TM7SF3: variants seen among roughly 807,000 people sequenced by gnomAD.
TM7SF3 encodes transmembrane 7 superfamily member 3.
TM7SF3 carries 60 observed loss-of-function variants against 65.5 expected under a neutral mutation model. The observed-to-expected ratio is 0.92, with a 90% CI of 0.74 to 1.14. TM7SF3 has a LOEUF of 1.14. TM7SF3 is among the 50% of genes most tolerant of loss of function. TM7SF3 has a pLI of 0.00. For synonymous variants in TM7SF3, 264 were observed against 259.6 expected (o/e 1.02, Z -0.16); for missense variants, 623 against 684.8 (o/e 0.91, Z 1.01).
intron 2 of TM7SF3, among the ~76,000 whole-genome samples, chr12:27,002,306 A>AC (rs1227232773): frequency 6.6e-6 from 1 of 151,956 alleles, no homozygotes; most frequent in African/African-American, 2.4e-5. Context: ...CTACAAAAAA[A>AC]AAATGTTAAA....
intron 8 of TM7SF3, chr12:26,980,273 T>C: frequency 1.9e-6 from 1 of 523,632 alleles, no homozygotes; most frequent in Non-Finnish European, 3.4e-6. Context: ...ACCTCAACAT[T>C]TTGCTTGTTG....
chr12:27,012,993 GT>G, intron 1 of TM7SF3: 1 of 65,532 alleles, frequency 1.5e-5, no homozygotes, highest in Non-Finnish European at 3.2e-5. Context: ...GCGAGACTCC[GT>G]CAAAAAAAAA....
chr12:26,996,438 C>G (rs888407408), intron 4 of TM7SF3, among the ~76,000 whole-genome samples: 3 of 152,164 alleles, frequency 2.0e-5, no homozygotes, highest in Non-Finnish European at 2.9e-5. Flanking sequence ...AAGGATGTTT[C>G]AGGGCTACTG....
intron 4 of TM7SF3, among the ~76,000 whole-genome samples, chr12:26,996,297 C>T (rs1037318655): frequency 6.6e-6 from 1 of 152,126 alleles, no homozygotes; most frequent in Non-Finnish European, 1.5e-5. Flanking sequence ...TGGCAAAGAA[C>T]ATAACAACAC....
In TM7SF3 at chr12:27,014,206, G is replaced by A; in HGVS notation, c.-38C>T. The A allele has an allele frequency of 1.9e-6, 3 of 1,545,272 alleles. No individual in the cohort carries two copies. In the South Asian group the frequency reaches 3.6e-5, roughly 18 times the overall value. ...CGGGCTGGGCCCACGCCAGGGCTGG[G>A]GAGAGGTGCGGGCGTGCGCGCCGGG... On this transcript the variant is annotated 5_prime_UTR_variant, in exon 1 of 12. Coordinates refer to ENST00000343028, the MANE Select transcript of TM7SF3 (RefSeq NM_016551.3).
At chr12:26,986,715 T>C (rs1405397652) in intron 6 of TM7SF3, among the ~76,000 whole-genome samples, 1 of 152,184 alleles carries the variant, frequency 6.6e-6, no homozygotes, top group East Asian at 1.9e-4. Flanking sequence ...TACTTGAACT[T>C]TCTCCAGTTT....
At chr12:26,988,727 C>G (rs1460095124) in intron 6 of TM7SF3, among the ~76,000 whole-genome samples, 1 of 148,022 alleles carries the variant, frequency 6.8e-6, no homozygotes, top group African/African-American at 2.5e-5. Flanking sequence ...TATACATACA[C>G]AGTCGGCCCC....
intron 5 of TM7SF3, among the ~76,000 whole-genome samples, chr12:26,993,416 G>A (rs899286876): frequency 6.6e-6 from 1 of 152,106 alleles, no homozygotes; most frequent in Admixed American, 6.5e-5. Context: ...CATATTTCCT[G>A]TAAATAGGGA....
At position 26,996,800 on chromosome 12, in the gene TM7SF3, C is replaced by G. The variant is rs1460106142; in HGVS notation, c.460G>C (p.Glu154Gln). ...ATAGTCGTTTCAAAGAAATTATACT[C>G]CAAGTAAATGTTGGGATCAATATCT... The part of the protein sequence containing the change: ...DLDIDPNIYL[E>Q]YNFFETTIKF... Residue 154 changes from glutamate to glutamine, a missense_variant, in exon 4 of 12, where the codon GAG becomes CAG. By Grantham distance (29) the Glu-to-Gln change is conservative (BLOSUM62 2). Transcript: ENST00000343028. 1 of 1,613,628 alleles carries G rather than the reference C, an allele frequency of 6.2e-7. No individual in the cohort carries two copies. Among genetic ancestry groups the G allele is most frequent in the African/African-American group, 1.3e-5 (1 of 74,876 alleles).
At chr12:26,992,008 C>T (rs937208641) in intron 5 of TM7SF3, among the ~76,000 whole-genome samples, 2 of 152,120 alleles carry the variant, frequency 1.3e-5, no homozygotes, top group Non-Finnish European at 1.5e-5. Flanking sequence ...TTGTGCCTTT[C>T]TAGAAAGCTC....
chr12:27,002,403 G>A (rs879517996), intron 2 of TM7SF3, among the ~76,000 whole-genome samples: 9 of 151,796 alleles, frequency 5.9e-5, no homozygotes, highest in South Asian at 2.1e-4. Flanking sequence ...ACCACATTCC[G>A]GCGTGGGTGA....
rs1411527647 is a variant in TM7SF3 at position 26,975,639 on chromosome 12, C to T, written c.1307G>A (p.Gly436Glu). Residue 436 changes from glycine to glutamate, a missense_variant, in exon 11 of 12, where the codon GGA (glycine) becomes GAA (glutamate). Gly to Glu is a moderately conservative substitution (Grantham distance 98). Transcript: ENST00000343028. ...CLRILNILTC[G>E]VIGSYSVVLA... ...AACCACCGAATAGGAGCCAATGACT[C>T]CACAAGTCAGTATGTTCAGCTGTGG... 1 of 1,610,946 alleles carries T rather than the reference C, an allele frequency of 6.2e-7. No individual in the cohort carries two copies. The highest frequency in any genetic ancestry group is 8.5e-7 in the Non-Finnish European group (1 of 1,179,546).
At chr12:26,977,831 A>C (rs1471261012) in intron 9 of TM7SF3, 1 of 249,502 alleles carries the variant, frequency 4.0e-6, no homozygotes, top group Non-Finnish European at 7.9e-6. Flanking sequence ...GGCCAGGTGC[A>C]GTGGCTCAAG....
chr12:26,978,104 A>G (rs1240195815), intron 9 of TM7SF3: 2 of 452,680 alleles, frequency 4.4e-6, no homozygotes, highest in Middle Eastern at 3.4e-4. Flanking sequence ...TCTAAAAAAT[A>G]AAAATATGGG....
At chr12:27,012,109 C>G (rs1483342918) in intron 1 of TM7SF3, among the ~76,000 whole-genome samples, 2 of 152,132 alleles carry the variant, frequency 1.3e-5, no homozygotes, top group African/African-American at 4.8e-5. Context: ...GGATTAAGTA[C>G]AAAGCACCAT....
chr12:26,976,895 T>C (rs1407781690), intron 9 of TM7SF3, among the ~76,000 whole-genome samples: 1 of 152,212 alleles, frequency 6.6e-6, no homozygotes, highest in Non-Finnish European at 1.5e-5. Context: ...GATTTCCTCA[T>C]GTATCAGGAA....
chr12:27,008,479 G>C (rs1941125174), intron 1 of TM7SF3, among the ~76,000 whole-genome samples: 1 of 152,078 alleles, frequency 6.6e-6, no homozygotes, highest in African/African-American at 2.4e-5. Context: ...CTTGTTGCTT[G>C]TCTTTTCACT....
At position 26,999,511 on chromosome 12, in the gene TM7SF3, A is replaced by G. The variant is rs1464925834; in HGVS notation, c.397+15T>C. 6.2e-7 allele frequency: 1 copy of G among 1,613,500 alleles called. No homozygotes were observed. On this transcript the variant is annotated intron_variant, in intron 3 of 11. Coordinates refer to ENST00000343028, the MANE Select transcript of TM7SF3 (RefSeq NM_016551.3). ...ATTCCAAAGAGTAAGAGGGAGGAGA[A>G]GACAGAAGGGTTACCTCTTTCTGAG...
rs199925702 is a variant in TM7SF3 at position 26,995,404 on chromosome 12, C to A, written c.523G>T (p.Val175Leu). 5.6e-6 allele frequency: 9 copies of A among 1,614,132 alleles called. No individual in the cohort carries two copies. Among genetic ancestry groups the A allele is most frequent in the Middle Eastern group, 1.6e-4 (1 of 6,062 alleles). ...CCAGCGTCACATGGTGGGGGATCTA[C>A]GCCTCTAAAGTCAACCAACAAAATG... ...APANLGYARG[V>L]DPPPCDAGTD... Residue 175 changes from valine (V) to leucine (L), a missense_variant, in exon 5 of 12, where the codon GTA (valine) becomes TTA (leucine). Physicochemically the swap from Val to Leu is conservative, Grantham distance 32 (BLOSUM62 1). Coordinates refer to ENST00000343028, the MANE Select transcript of TM7SF3 (RefSeq NM_016551.3).
Sources: gnomAD v4.1 joint callset for allele counts (sites outside exome capture counted in the v4.1 genomes callset) on GRCh38, gnomAD v4.1.1 for gene constraint, MANE v1.5 for transcripts, NCBI Gene and HGNC (gene_info 2026-07-23, HGNC 2026-07-21) for gene names.